NTNG2: variants seen among roughly 807,000 people sequenced by gnomAD.
NTNG2 encodes the protein netrin-G2.
Under a neutral mutation model 47.6 loss-of-function variants are expected in NTNG2, and 15 were observed. The observed-to-expected ratio is 0.32, with a 90% CI of 0.21 to 0.49. The LOEUF is 0.49. Ranked by LOEUF, NTNG2 falls within the 20% of genes least tolerant of loss-of-function variation. NTNG2 has a pLI of 0.99. For synonymous variants in NTNG2, 307 were observed against 324.6 expected, an observed-to-expected ratio of 0.95 and a Z score of 0.58; for missense variants, 578 against 764.6, an observed-to-expected ratio of 0.76 and a Z score of 2.88.
chr9:132,217,577 T>C (rs1167031405), intron 3 of NTNG2, among the ~76,000 whole-genome samples: 2 of 152,122 alleles, frequency 1.3e-5, no homozygotes, highest in African/African-American at 4.8e-5. Flanking sequence ...TGTGAAGAGG[T>C]GATAACTTCA....
intron 2 of NTNG2, among the ~76,000 whole-genome samples, chr9:132,171,276 T>C (rs1835896871): frequency 6.6e-6 from 1 of 152,172 alleles, no homozygotes; most frequent in Non-Finnish European, 1.5e-5. Flanking sequence ...AAGCCTCAGT[T>C]TCCCTATCTG....
At chr9:132,188,888 G>A (rs1366619410) in intron 2 of NTNG2, among the ~76,000 whole-genome samples, 11 of 152,098 alleles carry the variant, frequency 7.2e-5, no homozygotes, top group South Asian at 2.1e-4. Context: ...AGATGTGGTC[G>A]CTGCCCGCAT....
At chr9:132,219,214 TCAAAA>T (rs1840188535) in intron 3 of NTNG2, among the ~76,000 whole-genome samples, 1 of 144,530 alleles carries the variant, frequency 6.9e-6, no homozygotes, top group Non-Finnish European at 1.5e-5. Flanking sequence ...AGACTCTGTC[TCAAAA>T]CAAAAAAAAA....
intron 5 of NTNG2, among the ~76,000 whole-genome samples, chr9:132,235,606 A>G (rs746383305): frequency 4.6e-5 from 7 of 152,058 alleles, no homozygotes; most frequent in Non-Finnish European, 1.0e-4. Context: ...TTCCCTCAGC[A>G]CCACCCCCTC....
chr9:132,183,798 G>A (rs1016858060), intron 2 of NTNG2, among the ~76,000 whole-genome samples: 1 of 152,146 alleles, frequency 6.6e-6, no homozygotes, highest in African/African-American at 2.4e-5. Flanking sequence ...CTCAAACCTG[G>A]CCACACATCT....
At chr9:132,189,907 C>T (rs1837734889) in intron 2 of NTNG2, among the ~76,000 whole-genome samples, 1 of 150,512 alleles carries the variant, frequency 6.6e-6, no homozygotes, top group Non-Finnish European at 1.5e-5. Context: ...CCTCAGCCTC[C>T]CAAAGTGCTG....
Position 132,191,566 on chromosome 9 carries a change from C to CT in NTNG2, c.214-6389dup, listed in dbSNP as rs997046584. 2.7e-3 allele frequency among the ~76,000 whole-genome samples: 402 copies of CT among 147,264 alleles called. 1 individual carries two copies. The highest frequency in any genetic ancestry group is 4.4e-3 in the Non-Finnish European group (292 of 66,450). ...AAAATGGGTATGTTAACTCATCTTTCTTTTTTTTTTTCTTTTAGACAGAGT... is the reference window on the plus strand; with the variant it reads ...AAAATGGGTATGTTAACTCATCTTTCTTTTTTTTTTTTCTTTTAGACAGAGT... On this transcript the variant is annotated intron_variant, in intron 2 of 7. Transcript: ENST00000393229.
intron 3 of NTNG2, among the ~76,000 whole-genome samples, chr9:132,205,393 C>G (rs184077463): frequency 2.6e-5 from 4 of 152,186 alleles, no homozygotes; most frequent in Non-Finnish European, 4.4e-5. Context: ...GCTTACCCGA[C>G]GTCCCCAGAG....
At chr9:132,198,729 G>GGGAACA in intron 3 of NTNG2, 120 bp downstream of exon 3, 2 of 1,076,822 alleles carry the variant, frequency 1.9e-6, no homozygotes, top group Non-Finnish European at 2.6e-6. Context: ...TTCTTGGGAT[G>GGGAACA]TTACCTGGTT....
intron 5 of NTNG2, chr9:132,233,068 C>T (rs1249111298): frequency 6.6e-6 from 1 of 152,262 alleles, no homozygotes; most frequent in Non-Finnish European, 1.5e-5. Context: ...CCTCCTGACC[C>T]AGGAATCCTC....
At position 132,215,575 on chromosome 9, in the gene NTNG2, A is replaced by G. The variant is rs1032242434; in HGVS notation, c.858-11274A>G. Among the ~76,000 whole-genome samples the G allele has an allele frequency of 6.6e-5, 10 of 152,204 alleles. No homozygotes were observed. The highest frequency in any genetic ancestry group is 2.4e-4 in the African/African-American group (10 of 41,448). ...GGTCTAGATGACAAAGCGAGATTCC[A>G]TCTCAAAATAAGTAAATAAATAAAG... On this transcript the variant is annotated intron_variant, in intron 3 of 7. Transcript: ENST00000393229. The surrounding 1 kb of genome is among the most constrained non-coding windows in gnomAD (Gnocchi z 4.2).
chr9:132,184,190 C>T (rs1276381352), intron 2 of NTNG2, among the ~76,000 whole-genome samples: 4 of 152,188 alleles, frequency 2.6e-5, no homozygotes, highest in Non-Finnish European at 4.4e-5. Context: ...TCGGCCCCAC[C>T]GCCTCTTAAC....
Position 132,208,104 on chromosome 9 carries a change from A to G in NTNG2, c.857+9495A>G, listed in dbSNP as rs930945292. ...GGGCAACAGAGCGAGACCCTATCTC[A>G]AAACCCAGGGCAATATGGGAGTGGA... On this transcript the variant is annotated intron_variant, in intron 3 of 7. Coordinates refer to ENST00000393229, the MANE Select transcript of NTNG2 (RefSeq NM_032536.4). The surrounding 1 kb of genome is among the most constrained non-coding windows in gnomAD (Gnocchi z 4.0). Among the ~76,000 whole-genome samples the G allele has an allele frequency of 6.6e-6, 1 of 152,108 alleles. No homozygotes were observed. The highest frequency in any genetic ancestry group is 6.5e-5 in the Admixed American group (1 of 15,274).
intron 3 of NTNG2, among the ~76,000 whole-genome samples, chr9:132,222,408 G>A (rs1319800939): frequency 2.0e-5 from 3 of 152,232 alleles, no homozygotes; most frequent in African/African-American, 7.2e-5. Flanking sequence ...ATGGAGGGAT[G>A]AGAATGCCAG....
At position 132,231,280 on chromosome 9, in the gene NTNG2, G is replaced by A. The variant is rs192825990; in HGVS notation, c.1054+685G>A. 3.8e-4 allele frequency: 173 copies of A among 455,964 alleles called. No individual in the cohort carries two copies. Among genetic ancestry groups the A allele is most frequent in the Non-Finnish European group, 6.4e-4 (144 of 226,674 alleles). The allele number at this position is 455,964 out of a possible 1,614,324, so 28.2% of individuals were successfully genotyped here. ...CAGACACTCACAGGGTGCCAGGCAC[G>A]GTCTCTCCTTTCAGCCTTGCAAACC... On this transcript the variant is annotated intron_variant, in intron 5 of 7. Coordinates refer to ENST00000393229, the MANE Select transcript of NTNG2 (RefSeq NM_032536.4). The surrounding 1 kb of genome is among the most constrained non-coding windows in gnomAD (Gnocchi z 4.1).
At chr9:132,203,448 T>A (rs1838935838) in intron 3 of NTNG2, among the ~76,000 whole-genome samples, 1 of 152,090 alleles carries the variant, frequency 6.6e-6, no homozygotes, top group African/African-American at 2.4e-5. Flanking sequence ...GGGTGTGGCC[T>A]GGGGAGAAAT....
intron 5 of NTNG2, 177 bp from the exon 6 acceptor site, chr9:132,238,927 C>T (rs572217944): frequency 1.5e-6 from 1 of 687,800 alleles, no homozygotes; most frequent in South Asian, 1.6e-5. Context: ...AGCAGGGAGG[C>T]CTCTCTCTTC....
intron 3 of NTNG2, among the ~76,000 whole-genome samples, chr9:132,211,287 C>A (rs1024055676): frequency 2.0e-5 from 3 of 152,184 alleles, no homozygotes; most frequent in African/African-American, 7.2e-5. Context: ...CCAAGGTGGA[C>A]CCCCTATCAG....
intron 4 of NTNG2, among the ~76,000 whole-genome samples, chr9:132,228,279 G>C (rs1007286972): frequency 7.9e-5 from 12 of 152,372 alleles, no homozygotes; most frequent in East Asian, 7.7e-4. Flanking sequence ...AGCAGGCGGT[G>C]AGACAGGCCT....
Sources: gnomAD v4.1 joint callset for allele counts (sites outside exome capture counted in the v4.1 genomes callset) on GRCh38, gnomAD v4.1.1 for gene constraint, Gnocchi (gnomAD v3.1) non-coding constraint, MANE v1.5 for transcripts, NCBI Gene and HGNC (gene_info 2026-07-23, HGNC 2026-07-21) for gene names.